Variants in SOX5 observed in about 807,000 individuals in gnomAD.
The protein encoded by SOX5 is SRY-box transcription factor 5.
A neutral mutation model predicts 92.0 loss-of-function variants in SOX5; 9 were observed. That is an observed-to-expected ratio of 0.10 (90% CI 0.06 to 0.17). SOX5 has a LOEUF of 0.17. SOX5 is among the 10% of genes least tolerant of loss of function. The pLI is 1.00. For synonymous variants in SOX5, 344 were observed against 336.3 expected (o/e 1.02, Z -0.25); for missense variants, 642 against 944.5 (o/e 0.68, Z 4.20).
At chr12:24,240,569 T>C (rs1670565928) in intron 3 of SOX5, among the ~76,000 whole-genome samples, 1 of 152,170 alleles carries the variant, frequency 6.6e-6, no homozygotes, top group Admixed American at 6.5e-5. Flanking sequence ...TTGGACAAAT[T>C]CCTATTTGGG....
chr12:23,806,582 TAAA>T (rs35340250), intron 3 of SOX5, among the ~76,000 whole-genome samples: 3 of 70,440 alleles, frequency 4.3e-5, no homozygotes, highest in Admixed American at 1.7e-4. Flanking sequence ...CTTTTTCCAC[TAAA>T]AAAAAAAAAA....
intron 1 of SOX5, among the ~76,000 whole-genome samples, chr12:24,546,628 T>A (rs1328270697): frequency 6.6e-6 from 1 of 152,236 alleles, no homozygotes. Context: ...TTGCCTTGCT[T>A]AGCTGAACTC....
chr12:23,818,201 T>A (rs1568021754), intron 3 of SOX5, among the ~76,000 whole-genome samples: 1 of 152,200 alleles, frequency 6.6e-6, no homozygotes, highest in Non-Finnish European at 1.5e-5. Flanking sequence ...GTTGTCATTA[T>A]GTGAACATCC....
intron 1 of SOX5, among the ~76,000 whole-genome samples, chr12:24,465,077 G>A (rs1190057518): frequency 6.6e-6 from 1 of 152,214 alleles, no homozygotes; most frequent in Admixed American, 6.5e-5. Flanking sequence ...CCATGTGCCA[G>A]TAATTGTGTG....
At chr12:24,410,530 A>C (rs1963885806) in intron 1 of SOX5, among the ~76,000 whole-genome samples, 1 of 152,180 alleles carries the variant, frequency 6.6e-6, no homozygotes, top group African/African-American at 2.4e-5. Context: ...TTCCCTATGA[A>C]TGTCCAAATC....
At chr12:24,092,266 A>G (rs1944743933) in intron 4 of SOX5, among the ~76,000 whole-genome samples, 2 of 151,808 alleles carry the variant, frequency 1.3e-5, no homozygotes, top group African/African-American at 4.8e-5. Context: ...CTAAAGAAAA[A>G]CTTACTGACT....
intron 4 of SOX5, among the ~76,000 whole-genome samples, chr12:24,128,632 G>A (rs1430854368): frequency 6.6e-6 from 1 of 152,140 alleles, no homozygotes; most frequent in Non-Finnish European, 1.5e-5. Flanking sequence ...CCTGATTTGG[G>A]GACAGCTTTC....
At chr12:24,367,415 A>G (rs1956284066) in intron 2 of SOX5, among the ~76,000 whole-genome samples, 1 of 152,170 alleles carries the variant, frequency 6.6e-6, no homozygotes, top group Non-Finnish European at 1.5e-5. Flanking sequence ...TTCTTTTGCA[A>G]TACTAACTAT....
chr12:23,822,411 A>G (rs1254217905), intron 3 of SOX5, among the ~76,000 whole-genome samples: 1 of 152,184 alleles, frequency 6.6e-6, no homozygotes, highest in Non-Finnish European at 1.5e-5. Context: ...CAGGTTGTTC[A>G]GTTTCCATGT....
chr12:24,275,229 GA>G (rs1269651938), intron 3 of SOX5, among the ~76,000 whole-genome samples: 2 of 151,912 alleles, frequency 1.3e-5, no homozygotes, highest in Non-Finnish European at 2.9e-5. Context: ...AAACTATGAG[GA>G]AAATTAAAAC....
chr12:24,274,961 G>A (rs1042482343), intron 3 of SOX5, among the ~76,000 whole-genome samples: 1 of 152,116 alleles, frequency 6.6e-6, no homozygotes, highest in South Asian at 2.1e-4. Flanking sequence ...AGCTAAAAGA[G>A]GCAGCCAGGC....
At chr12:23,845,182 A>T (rs1269596060) in intron 3 of SOX5, among the ~76,000 whole-genome samples, 5 of 152,216 alleles carry the variant, frequency 3.3e-5, no homozygotes, top group Non-Finnish European at 7.3e-5. Context: ...ATGTCTGCAC[A>T]TCATTGTTTA....
At chr12:24,361,890 T>G (rs1490148731) in intron 2 of SOX5, among the ~76,000 whole-genome samples, 2 of 152,198 alleles carry the variant, frequency 1.3e-5, no homozygotes, top group Non-Finnish European at 2.9e-5. Context: ...TAGAATAGGC[T>G]TTCTTCTTCT....
At chr12:24,411,309 A>G (rs1244009656) in intron 1 of SOX5, among the ~76,000 whole-genome samples, 1 of 151,830 alleles carries the variant, frequency 6.6e-6, no homozygotes, top group Admixed American at 6.6e-5. Flanking sequence ...TTTAATTACA[A>G]TTTTTTGCCT....
At chr12:24,455,157 T>C (rs11047457) in intron 1 of SOX5, among the ~76,000 whole-genome samples, 45,018 of 152,116 alleles carry the variant, frequency 0.3, 6,891 homozygotes, top group Middle Eastern at 0.35. Flanking sequence ...ATACCTTCCC[T>C]GCAGGGTCGC....
At chr12:23,933,166 C>A (rs1941814322) in intron 1 of SOX5, among the ~76,000 whole-genome samples, 1 of 151,672 alleles carries the variant, frequency 6.6e-6, no homozygotes, top group Non-Finnish European at 1.5e-5. Context: ...ATACACAATT[C>A]ATATGTTTTT....
chr12:24,300,302 G>T (rs1332189797), intron 2 of SOX5, among the ~76,000 whole-genome samples: 1 of 152,182 alleles, frequency 6.6e-6, no homozygotes, highest in East Asian at 1.9e-4. Flanking sequence ...CTGGAATTCA[G>T]CTATATCTGC....
intron 4 of SOX5, among the ~76,000 whole-genome samples, chr12:24,190,782 G>T (rs1956446644): frequency 6.6e-6 from 1 of 152,158 alleles, no homozygotes; most frequent in Non-Finnish European, 1.5e-5. Flanking sequence ...AATTTAAGAT[G>T]CATCCCAATC....
intron 4 of SOX5, among the ~76,000 whole-genome samples, chr12:24,157,140 T>A (rs2138923684): frequency 6.6e-6 from 1 of 152,254 alleles, no homozygotes; most frequent in South Asian, 2.1e-4. Flanking sequence ...ATCTATTTGA[T>A]CTCCATTTTT....
Sources: allele counts gnomAD v4.1 joint callset (sites outside exome capture counted in the v4.1 genomes callset), GRCh38; gene constraint gnomAD v4.1.1; transcripts MANE v1.5; gene names NCBI Gene and HGNC (gene_info 2026-07-23, HGNC 2026-07-21).